The following DOCK10 variants were observed in gnomAD, a reference collection of about 807,000 sequenced individuals.
DOCK10 encodes the protein dedicator of cytokinesis protein 10.
DOCK10 carries 145 observed loss-of-function variants against 280.1 expected under a neutral mutation model. That is an observed-to-expected ratio of 0.52 (90% CI 0.45 to 0.59). The LOEUF (loss-of-function observed/expected upper bound fraction) is 0.59, where lower values mean the gene tolerates loss of function less well. Ranked by LOEUF, DOCK10 falls within the 20% of genes least tolerant of loss-of-function variation. The pLI is 0.00. For missense variants in DOCK10, 2,368 were observed against 2,651.7 expected (o/e 0.89, Z 2.35); for synonymous variants, 915 against 942.2 (o/e 0.97, Z 0.53).
chr2:224,972,852 A>G (rs1268823757), intron 1 of DOCK10, among the ~76,000 whole-genome samples: 1 of 152,220 alleles, frequency 6.6e-6, no homozygotes, highest in Non-Finnish European at 1.5e-5. Context: ...AAGAAACTGA[A>G]AGTTAAATTT....
In DOCK10 at chr2:225,035,576, AT is replaced by A. The variant is rs1559986920; in HGVS notation, c.123+6675del. Among the ~76,000 whole-genome samples, 84 of 97,050 alleles carry A rather than the reference AT, an allele frequency of 8.7e-4. 5 individuals are homozygous for A. The highest frequency in any genetic ancestry group is 5.1e-3 in the Middle Eastern group (1 of 198). The allele number at this position is 97,050 out of a possible 152,430, so 63.7% of individuals were successfully genotyped here. ...TATATATATATATATATATATATAT[AT>A]ATATATATATAACACTGAATCAGTG... is the stretch of plus-strand genomic sequence containing the variant. On this transcript the variant is annotated intron_variant, in intron 1 of 55. Transcript: ENST00000258390.
At chr2:224,905,234 A>AT (rs201582173) in intron 3 of DOCK10, among the ~76,000 whole-genome samples, 9,808 of 111,206 alleles carry the variant, frequency 0.088, 722 homozygotes, top group Middle Eastern at 0.15. Flanking sequence ...CTATGGAACT[A>AT]TTTTTTTTTT....
intron 16 of DOCK10, 141 bp from the exon 17 acceptor site, chr2:224,853,263 G>C (rs1341457165): frequency 5.0e-6 from 3 of 599,058 alleles, no homozygotes; most frequent in Non-Finnish European, 7.6e-6. Flanking sequence ...ACGCTAGCAT[G>C]AAAAATTTGT....
intron 1 of DOCK10, among the ~76,000 whole-genome samples, chr2:225,039,998 A>G (rs1400424344): frequency 5.3e-5 from 8 of 152,186 alleles, no homozygotes; most frequent in Non-Finnish European, 1.2e-4. Context: ...GAAGTCGGAT[A>G]TCCATAATAT....
Position 224,765,535 on chromosome 2 carries a change from T to C in DOCK10, c.*186A>G. 1.9e-6 allele frequency: 1 copy of C among 536,508 alleles called. No homozygotes were observed. The highest frequency in any genetic ancestry group is 3.3e-6 in the Non-Finnish European group (1 of 303,240). The allele number at this position is 536,508 out of a possible 1,614,324, so 33.2% of individuals were successfully genotyped here. A position where few individuals can be genotyped will look rare whatever the true frequency, so the allele number is the denominator to read the frequency against. On this transcript the variant is annotated 3_prime_UTR_variant, in exon 56 of 56. Transcript: ENST00000258390. ...TTCAACCTGGCTTGATCAACACTGC[T>C]CAAAGAAAAAAAAATTATACAAAAT...
At chr2:224,900,037 T>C (rs1559702829) in intron 3 of DOCK10, among the ~76,000 whole-genome samples, 1 of 152,186 alleles carries the variant, frequency 6.6e-6, no homozygotes, top group Non-Finnish European at 1.5e-5. Context: ...TGCAGCATCA[T>C]TTCTATCTCC....
At chr2:224,801,815 C>A in intron 40 of DOCK10, 101 bp downstream of exon 40, 1 of 1,259,628 alleles carries the variant, frequency 7.9e-7, no homozygotes, top group Non-Finnish European at 1.1e-6. Flanking sequence ...CCCAGAGGTA[C>A]AGCAAACCTT....
intron 3 of DOCK10, among the ~76,000 whole-genome samples, chr2:224,902,444 C>T (rs192771930): frequency 3.3e-5 from 5 of 152,158 alleles, no homozygotes; most frequent in Non-Finnish European, 7.4e-5. Context: ...GTATTCATGC[C>T]GTTCTTTATA....
In DOCK10 at chr2:224,855,049, G is replaced by T; in HGVS notation, c.1809-7C>A. ...TTTGCTTATTCTGTCGGCCCTGTAA[G>T]AGTGCATGAGCAAGGACACACACAC... On this transcript the variant is annotated splice_polypyrimidine_tract_variant and splice_region_variant and intron_variant, in intron 15 of 55. Coordinates refer to ENST00000258390, the MANE Select transcript of DOCK10 (RefSeq NM_014689.3). The T allele has an allele frequency of 5.1e-6, 8 of 1,570,158 alleles. No individual in the cohort carries two copies. The highest frequency in any genetic ancestry group is 6.9e-6 in the Non-Finnish European group (8 of 1,156,568).
intron 25 of DOCK10, among the ~76,000 whole-genome samples, chr2:224,834,491 T>A (rs1399775864): frequency 6.6e-6 from 1 of 152,106 alleles, no homozygotes; most frequent in Non-Finnish European, 1.5e-5. Context: ...TTTGTAGAAA[T>A]CAAGAGAAAG....
At chr2:225,015,604 G>A (rs373336167) in intron 1 of DOCK10, among the ~76,000 whole-genome samples, 4 of 152,150 alleles carry the variant, frequency 2.6e-5, no homozygotes, top group East Asian at 1.9e-4. Context: ...CAGGCAGCTC[G>A]GCCATGGCTG....
chr2:224,939,663 T>TTA (rs1358847227), intron 1 of DOCK10, among the ~76,000 whole-genome samples: 1 of 152,176 alleles, frequency 6.6e-6, no homozygotes, highest in Non-Finnish European at 1.5e-5. Flanking sequence ...TTAGATTAAT[T>TTA]TATATGAAGC....
Position 224,868,147 on chromosome 2 carries a change from A to G in DOCK10, c.1258-3060T>C, listed in dbSNP as rs375411593. On this transcript the variant is annotated intron_variant, in intron 11 of 55. Coordinates refer to ENST00000258390, the MANE Select transcript of DOCK10 (RefSeq NM_014689.3). ...AAAGGATGGAGATGGGAGTAGGGAA[A>G]ACAACTTATAAAATGGATTGGGAAG... is the stretch of plus-strand genomic sequence containing the variant. Among the ~76,000 whole-genome samples the G allele has an allele frequency of 1.4e-4, 21 of 152,316 alleles. 1 individual carries two copies. The highest frequency in any genetic ancestry group is 5.1e-4 in the African/African-American group (21 of 41,570).
intron 50 of DOCK10, chr2:224,784,819 T>C: frequency 8.1e-7 from 1 of 1,233,252 alleles, no homozygotes; most frequent in Non-Finnish European, 1.1e-6. Flanking sequence ...CGTGATTCAC[T>C]TCTACCTGCT....
At chr2:224,864,800 A>G (rs1697773205) in intron 12 of DOCK10, 66 bp downstream of exon 12, 1 of 1,598,788 alleles carries the variant, frequency 6.3e-7, no homozygotes, top group Non-Finnish European at 8.5e-7. Context: ...CTCATCTTAT[A>G]TGATCTATTG....
intron 16 of DOCK10, 150 bp from the exon 17 acceptor site, chr2:224,853,272 G>A (rs1696878349): frequency 1.9e-6 from 1 of 532,728 alleles, no homozygotes; most frequent in South Asian, 7.9e-5. Flanking sequence ...TGAAAAATTT[G>A]TAGGAGGTGG....
intron 4 of DOCK10, among the ~76,000 whole-genome samples, chr2:224,887,027 T>C (rs1699344357): frequency 6.6e-6 from 1 of 152,192 alleles, no homozygotes; most frequent in African/African-American, 2.4e-5. Context: ...TCTCCCAAAG[T>C]GCTGGAATTA....
intron 29 of DOCK10, 35 bp downstream of exon 29, chr2:224,819,411 T>C (rs1694358938): frequency 7.3e-7 from 1 of 1,376,668 alleles, no homozygotes; most frequent in African/African-American, 1.5e-5. Context: ...AATGCCATAG[T>C]TTAGAAAACA....
In DOCK10 at chr2:225,025,422, T is replaced by A. The variant is rs184543616; in HGVS notation, c.123+16830A>T. Among the ~76,000 whole-genome samples the A allele has an allele frequency of 2.8e-3, 433 of 152,300 alleles. 1 individual carries two copies. The highest frequency in any genetic ancestry group is 5.5e-3 in the Non-Finnish European group (374 of 68,036). ...TCCATATTTCCCTCAGCAAACTGGA[T>A]AATTCAGAAAAAATCTAATGCACAA... On this transcript the variant is annotated intron_variant, in intron 1 of 55. Coordinates refer to ENST00000258390, the MANE Select transcript of DOCK10 (RefSeq NM_014689.3).
Sources: gnomAD v4.1 joint callset for allele counts (sites outside exome capture counted in the v4.1 genomes callset) on GRCh38, gnomAD v4.1.1 for gene constraint, MANE v1.5 for transcripts, NCBI Gene and HGNC (gene_info 2026-07-23, HGNC 2026-07-21) for gene names.